PRR16: variants seen among roughly 807,000 people sequenced by gnomAD.
The protein encoded by PRR16 is proline rich 16, also known as protein Largen.
In PRR16, 6 loss-of-function variants were observed where a neutral mutation model predicts 18.2. The ratio of observed to expected loss-of-function variants is 0.33; its 90% CI spans 0.18 to 0.65. The LOEUF is 0.65. Among genes scored for constraint, PRR16 ranks in the 30% least tolerant of loss-of-function variants. PRR16 has a pLI of 0.74. For missense variants in PRR16, 412 were observed against 376.6 expected (o/e 1.09, Z -0.78); for synonymous variants, 151 against 147.8 (o/e 1.02, Z -0.16).
chr5:120,653,717 C>A (rs923320094), intron 1 of PRR16, among the ~76,000 whole-genome samples: 2 of 151,940 alleles, frequency 1.3e-5, no homozygotes, highest in African/African-American at 4.8e-5. Flanking sequence ...AAAGTTAATG[C>A]AGTCATTTAT....
chr5:120,538,750 G>T (rs1751811682), intron 1 of PRR16, among the ~76,000 whole-genome samples: 1 of 152,138 alleles, frequency 6.6e-6, no homozygotes, highest in African/African-American at 2.4e-5. Context: ...TCTCCTAAAT[G>T]GTTCCAAATA....
chr5:120,730,770 TAG>T, the PRR16 span, among the ~76,000 whole-genome samples: 11 of 152,176 alleles, frequency 7.2e-5, no homozygotes, highest in Admixed American at 4.6e-4. Context: ...ACTGATCAAA[TAG>T]AGAGTCAAAA....
chr5:120,735,392 A>G, the PRR16 span, among the ~76,000 whole-genome samples: 87 of 152,302 alleles, frequency 5.7e-4, no homozygotes, highest in African/African-American at 2.0e-3. Flanking sequence ...GTGGGGATAT[A>G]TATATATCAA....
intron 1 of PRR16, among the ~76,000 whole-genome samples, chr5:120,664,830 C>G (rs1443730232): frequency 1.4e-5 from 2 of 146,026 alleles, no homozygotes; most frequent in Non-Finnish European, 3.0e-5. Context: ...TGTATATGTG[C>G]CACATTTTCT....
the PRR16 span, among the ~76,000 whole-genome samples, chr5:120,694,282 A>G: frequency 6.6e-6 from 1 of 152,192 alleles, no homozygotes; most frequent in South Asian, 2.1e-4. Context: ...TTTGTAGTTT[A>G]TATTATCAGG....
intron 1 of PRR16, among the ~76,000 whole-genome samples, chr5:120,637,642 T>TGG (rs70985233): frequency 6.6e-6 from 1 of 151,738 alleles, no homozygotes; most frequent in Admixed American, 6.6e-5. Flanking sequence ...TTTGGGGATT[T>TGG]GGGGGGAAGG....
chr5:120,671,010 A>T (rs1756582660), intron 1 of PRR16, among the ~76,000 whole-genome samples: 1 of 152,076 alleles, frequency 6.6e-6, no homozygotes, highest in Non-Finnish European at 1.5e-5. Context: ...ACCCTTAGGC[A>T]TTCTCAAACC....
At chr5:120,580,758 G>C (rs1717934362) in intron 1 of PRR16, among the ~76,000 whole-genome samples, 1 of 151,954 alleles carries the variant, frequency 6.6e-6, no homozygotes, top group East Asian at 1.9e-4. Context: ...AATTTTATCA[G>C]AGAACTTTTC....
At chr5:120,596,812 A>G (rs1753828902) in intron 1 of PRR16, among the ~76,000 whole-genome samples, 1 of 151,734 alleles carries the variant, frequency 6.6e-6, no homozygotes, top group East Asian at 1.9e-4. Context: ...CAAATAAAAT[A>G]TGCATAATTT....
chr5:120,573,763 T>C (rs751189459), intron 1 of PRR16, among the ~76,000 whole-genome samples: 20 of 152,194 alleles, frequency 1.3e-4, no homozygotes, highest in Non-Finnish European at 2.2e-4. Context: ...GAAAGAATGT[T>C]TCCTTCAATA....
intron 1 of PRR16, among the ~76,000 whole-genome samples, chr5:120,559,696 A>T (rs187488328): frequency 6.6e-6 from 1 of 151,890 alleles, no homozygotes; most frequent in African/African-American, 2.4e-5. Context: ...GAAGAATGTC[A>T]TTAGTATTCT....
At chr5:120,560,718 C>T (rs960490894) in intron 1 of PRR16, among the ~76,000 whole-genome samples, 6 of 152,032 alleles carry the variant, frequency 3.9e-5, no homozygotes, top group Non-Finnish European at 7.4e-5. Flanking sequence ...AACATTTCTT[C>T]TTTAAATGTT....
chr5:120,506,431 C>T (rs1212741262), intron 1 of PRR16, among the ~76,000 whole-genome samples: 8 of 151,744 alleles, frequency 5.3e-5, no homozygotes, highest in Non-Finnish European at 7.4e-5. Context: ...ATAAATATAA[C>T]GTAAGCTCAA....
the PRR16 span, among the ~76,000 whole-genome samples, chr5:120,724,837 G>A: frequency 6.6e-6 from 1 of 151,720 alleles, no homozygotes; most frequent in Non-Finnish European, 1.5e-5. Context: ...CACATACCAG[G>A]CATTCTTCTA....
chr5:120,604,823 T>C (rs1165374442), intron 1 of PRR16, among the ~76,000 whole-genome samples: 2 of 152,204 alleles, frequency 1.3e-5, no homozygotes, highest in African/African-American at 4.8e-5. Context: ...AAATTCTTTG[T>C]TGGAATGCTT....
chr5:120,754,205 A>T, the PRR16 span, among the ~76,000 whole-genome samples: 1 of 77,942 alleles, frequency 1.3e-5, no homozygotes. Context: ...TATATATTAT[A>T]AATTATATAT....
intron 1 of PRR16, among the ~76,000 whole-genome samples, chr5:120,488,096 G>C (rs546201729): frequency 2.3e-4 from 35 of 152,250 alleles, no homozygotes; most frequent in Admixed American, 1.3e-3. Context: ...CAGGGATATT[G>C]GTCTAAAATT....
the PRR16 span, among the ~76,000 whole-genome samples, chr5:120,765,575 CTTCTT>C: frequency 2.6e-5 from 4 of 151,676 alleles, no homozygotes; most frequent in Admixed American, 1.3e-4. Context: ...ACCTCTTTAC[CTTCTT>C]TTCTTTTTCT....
chr5:120,550,565 G>C (rs549112429), intron 1 of PRR16, among the ~76,000 whole-genome samples: 1 of 151,992 alleles, frequency 6.6e-6, no homozygotes, highest in East Asian at 1.9e-4. Context: ...TGCAGTAAAA[G>C]GGTGTTTGAA....
Sources: allele counts gnomAD v4.1 joint callset (sites outside exome capture counted in the v4.1 genomes callset), GRCh38; gene constraint gnomAD v4.1.1; transcripts MANE v1.5; gene names NCBI Gene and HGNC (gene_info 2026-07-23, HGNC 2026-07-21).